FUT8: variants seen among roughly 807,000 people sequenced by gnomAD.
FUT8 encodes the protein alpha-(1,6)-fucosyltransferase.
FUT8 carries 29 observed loss-of-function variants against 71.3 expected under a neutral mutation model. That is an observed-to-expected ratio of 0.41 (90% CI 0.30 to 0.55). The LOEUF is 0.55. Among genes scored for constraint, FUT8 ranks in the 20% least tolerant of loss-of-function variants. FUT8 has a pLI of 0.34. For synonymous variants in FUT8, 254 were observed against 239.3 expected (o/e 1.06, Z -0.57); for missense variants, 544 against 702.1 (o/e 0.77, Z 2.55).
intron 7 of FUT8, among the ~76,000 whole-genome samples, chr14:65,703,634 T>C (rs1894422389): frequency 6.6e-6 from 1 of 152,222 alleles, no homozygotes; most frequent in East Asian, 1.9e-4. Flanking sequence ...CCATCATCTT[T>C]CTTCCACAAT....
rs139918665 is a variant in FUT8, at chr14:65,709,394, G to T, written c.836-12381G>T. Among the ~76,000 whole-genome samples, 353 of 152,226 alleles carry T rather than the reference G, an allele frequency of 2.3e-3. 2 individuals are homozygous for T. The highest frequency in any genetic ancestry group is 8.4e-3 in the African/African-American group (349 of 41,542). Reference sequence around the variant, plus strand: ...ATGAGATTACTTTAGGCAGTGCCTTGATAAAACATTAAAATAAACATTGAA... The same window carrying T: ...ATGAGATTACTTTAGGCAGTGCCTTTATAAAACATTAAAATAAACATTGAA... On this transcript the variant is annotated intron_variant, in intron 7 of 10. Transcript: ENST00000673929.
At chr14:65,724,389 TC>T in intron 9 of FUT8, 66 bp downstream of exon 9, 1 of 962,968 alleles carries the variant, frequency 1.0e-6, no homozygotes, top group Non-Finnish European at 1.5e-6. Flanking sequence ...AATTCTTACT[TC>T]CCATGACTTG....
intron 3 of FUT8, among the ~76,000 whole-genome samples, chr14:65,614,975 G>T (rs1889206454): frequency 6.6e-6 from 1 of 152,204 alleles, no homozygotes; most frequent in Non-Finnish European, 1.5e-5. Context: ...GAATTAAGTT[G>T]AACAGAGAGG....
At chr14:65,370,385 T>A in the FUT8 span, among the ~76,000 whole-genome samples, 2 of 151,602 alleles carry the variant, frequency 1.3e-5, no homozygotes, top group African/African-American at 4.8e-5. Flanking sequence ...TTTTTTGTAT[T>A]TTTTAGTAGA....
At chr14:65,372,785 A>G in the FUT8 span, among the ~76,000 whole-genome samples, 4 of 152,172 alleles carry the variant, frequency 2.6e-5, no homozygotes, top group East Asian at 7.7e-4. Flanking sequence ...CTCTGATAAT[A>G]CTTTCAGTTT....
chr14:65,432,356 A>G (rs1396456321), intron 1 of FUT8, among the ~76,000 whole-genome samples: 4 of 143,866 alleles, frequency 2.8e-5, no homozygotes, highest in Non-Finnish European at 6.1e-5. Flanking sequence ...TCAAATTTGA[A>G]TTTTCTTTTC....
the FUT8 span, among the ~76,000 whole-genome samples, chr14:65,402,068 C>G: frequency 6.6e-6 from 1 of 152,010 alleles, no homozygotes; most frequent in Non-Finnish European, 1.5e-5. Flanking sequence ...TGTTTTTAAA[C>G]AAGCCCCTCT....
chr14:65,386,506 A>AT, the FUT8 span, among the ~76,000 whole-genome samples: 2 of 113,706 alleles, frequency 1.8e-5, no homozygotes, highest in Non-Finnish European at 3.5e-5. Flanking sequence ...CTCGTCTCAA[A>AT]AAAAAAAAAA....
chr14:65,580,752 T>C (rs1887046633), intron 3 of FUT8, among the ~76,000 whole-genome samples: 1 of 152,076 alleles, frequency 6.6e-6, no homozygotes, highest in African/African-American at 2.4e-5. Flanking sequence ...TAGGTGTTCC[T>C]GCAATATCTT....
intron 7 of FUT8, among the ~76,000 whole-genome samples, chr14:65,677,114 T>TTTTGTGTG (rs561803042): frequency 1.8e-5 from 2 of 110,216 alleles, no homozygotes; most frequent in Admixed American, 9.7e-5. Context: ...AAAGACATAT[T>TTTTGTGTG]TGTGTGTGTG....
intron 3 of FUT8, among the ~76,000 whole-genome samples, chr14:65,609,768 G>A (rs1301608342): frequency 6.6e-6 from 1 of 151,596 alleles, no homozygotes; most frequent in Admixed American, 6.6e-5. Context: ...GATACAATAG[G>A]TCTTAATATC....
chr14:65,457,508 C>G (rs574466736), intron 2 of FUT8, among the ~76,000 whole-genome samples: 1 of 152,250 alleles, frequency 6.6e-6, no homozygotes, highest in African/African-American at 2.4e-5. Context: ...CAAAACCTCT[C>G]AGACACCGAG....
chr14:65,417,333 A>AC (rs2065233623), intron 1 of FUT8, among the ~76,000 whole-genome samples: 1 of 151,794 alleles, frequency 6.6e-6, no homozygotes, highest in African/African-American at 2.4e-5. Flanking sequence ...TTCCCCAGCT[A>AC]CCCCCCATCA....
rs202118926 is a variant in FUT8 at position 65,704,359 on chromosome 14, G to T, written c.836-17416G>T. On this transcript the variant is annotated intron_variant, in intron 7 of 10. Coordinates refer to ENST00000673929, the MANE Select transcript of FUT8 (RefSeq NM_001371533.1). ...ATTGTGATTTTTTTTTTTAAATAGGGCAATGGAGGAAAGTGAGGCTGGAAT... is the reference window on the plus strand; with the variant it reads ...ATTGTGATTTTTTTTTTTAAATAGGTCAATGGAGGAAAGTGAGGCTGGAAT... Among the ~76,000 whole-genome samples, 168 of 152,040 alleles carry T rather than the reference G, an allele frequency of 1.1e-3. 1 individual carries two copies. Among genetic ancestry groups the T allele is most frequent in the Admixed American group, 9.6e-3 (147 of 15,270 alleles).
chr14:65,549,633 A>G (rs1459442589), intron 2 of FUT8, among the ~76,000 whole-genome samples: 1 of 152,214 alleles, frequency 6.6e-6, no homozygotes, highest in Non-Finnish European at 1.5e-5. Context: ...CCCAAAACGG[A>G]TATTGTAAAT....
chr14:65,410,271 TGGAAATTCATG>T (rs1396151265), upstream of FUT8, among the ~76,000 whole-genome samples: 32 of 152,210 alleles, frequency 2.1e-4, no homozygotes, highest in Non-Finnish European at 3.8e-4. Context: ...GTGAATTTCC[TGGAAATTCATG>T]ATTGGCTTGG....
At chr14:65,360,971 G>T in the FUT8 span, among the ~76,000 whole-genome samples, 3 of 152,076 alleles carry the variant, frequency 2.0e-5, no homozygotes, top group Admixed American at 2.0e-4. Context: ...TGATGAAGAT[G>T]GTAAGTCATC....
chr14:65,507,013 C>G lies in FUT8; in HGVS notation c.-228+51295C>G, dbSNP rs79555878. Among the ~76,000 whole-genome samples, 875 of 152,218 alleles carry G rather than the reference C, an allele frequency of 5.7e-3. 30 individuals carry two copies. The East Asian group carries it at 0.093, about 16-fold the overall frequency. ...CTGTAAACAGTTGTGACCATGACCT[C>G]GATCAGCAAGTGAGACTTGCATTTA... On this transcript the variant is annotated intron_variant, in intron 2 of 10. Coordinates refer to ENST00000673929, the MANE Select transcript of FUT8 (RefSeq NM_001371533.1).
chr14:65,456,639 C>T (rs1403197284), intron 2 of FUT8, among the ~76,000 whole-genome samples: 1 of 151,988 alleles, frequency 6.6e-6, no homozygotes, highest in African/African-American at 2.4e-5. Flanking sequence ...CTTTGGGAGG[C>T]TGAGGCGGGC....
Sources: allele counts gnomAD v4.1 joint callset (sites outside exome capture counted in the v4.1 genomes callset), GRCh38; gene constraint gnomAD v4.1.1; transcripts MANE v1.5; gene names NCBI Gene and HGNC (gene_info 2026-07-23, HGNC 2026-07-21).